The following CA10 variants were observed in gnomAD, a reference collection of about 807,000 sequenced individuals.
The protein encoded by CA10 is carbonic anhydrase 10 (inactive).
Under a neutral mutation model 44.2 loss-of-function variants are expected in CA10, and 14 were observed. That is an observed-to-expected ratio of 0.32 (90% CI 0.21 to 0.50). The LOEUF (loss-of-function observed/expected upper bound fraction) is 0.50, where lower values mean the gene tolerates loss of function less well. CA10 is among the 20% of genes least tolerant of loss of function. CA10 has a pLI of 0.99. For missense variants in CA10, 350 were observed against 409.7 expected (o/e 0.85, Z 1.26); for synonymous variants, 159 against 141.6 (o/e 1.12, Z -0.87).
chr17:51,795,687 T>C (rs762040013), intron 3 of CA10, among the ~76,000 whole-genome samples: 3 of 152,172 alleles, frequency 2.0e-5, no homozygotes, highest in Non-Finnish European at 4.4e-5. Context: ...GTGCCTTTAC[T>C]AAAAATAATT....
At chr17:52,108,547 A>C (rs1252032019) in intron 1 of CA10, among the ~76,000 whole-genome samples, 2 of 151,746 alleles carry the variant, frequency 1.3e-5, no homozygotes, top group Non-Finnish European at 2.9e-5. Context: ...AAATACAAAA[A>C]AAATTAGCTG....
At chr17:51,689,005 G>A (rs746141589) in intron 4 of CA10, among the ~76,000 whole-genome samples, 27 of 152,110 alleles carry the variant, frequency 1.8e-4, no homozygotes, top group Non-Finnish European at 3.5e-4. Context: ...TATATAAGGG[G>A]TAACGGAGGC....
At chr17:51,861,213 G>A (rs1233792797) in intron 3 of CA10, among the ~76,000 whole-genome samples, 1 of 152,144 alleles carries the variant, frequency 6.6e-6, no homozygotes, top group Non-Finnish European at 1.5e-5. Flanking sequence ...TGTCAGCTTA[G>A]TGTTTGCTTC....
At chr17:52,033,773 C>T (rs1331324154) in intron 2 of CA10, among the ~76,000 whole-genome samples, 1 of 152,256 alleles carries the variant, frequency 6.6e-6, no homozygotes, top group East Asian at 1.9e-4. Context: ...CATAATGCTG[C>T]AATGAACATG....
chr17:51,701,327 G>A (rs1198772363), intron 4 of CA10, among the ~76,000 whole-genome samples: 1 of 151,938 alleles, frequency 6.6e-6, no homozygotes, highest in East Asian at 1.9e-4. Flanking sequence ...GTTGGATCAG[G>A]GCCCACCTTA....
At chr17:51,997,159 C>T (rs1985265726) in intron 2 of CA10, among the ~76,000 whole-genome samples, 1 of 152,064 alleles carries the variant, frequency 6.6e-6, no homozygotes, top group Non-Finnish European at 1.5e-5. Context: ...TTGATCCCCG[C>T]TATCATCTTT....
intron 2 of CA10, among the ~76,000 whole-genome samples, chr17:52,061,126 T>C (rs1987372996): frequency 6.6e-6 from 1 of 152,284 alleles, no homozygotes; most frequent in Non-Finnish European, 1.5e-5. Flanking sequence ...TGTTACCTTA[T>C]ATGGCAAAAT....
chr17:51,867,086 A>C (rs977924444), intron 3 of CA10, among the ~76,000 whole-genome samples: 6 of 152,174 alleles, frequency 3.9e-5, no homozygotes, highest in Non-Finnish European at 8.8e-5. Flanking sequence ...CTATTAAAAA[A>C]AAAAGAGCCT....
At chr17:52,107,394 C>T (rs747319785) in intron 1 of CA10, among the ~76,000 whole-genome samples, 1 of 152,118 alleles carries the variant, frequency 6.6e-6, no homozygotes, top group South Asian at 2.1e-4. Context: ...AAAGATAATT[C>T]CTCTTAAAAC....
intron 4 of CA10, among the ~76,000 whole-genome samples, chr17:51,708,711 C>T (rs1188570774): frequency 1.3e-5 from 2 of 152,188 alleles, no homozygotes; most frequent in Non-Finnish European, 2.9e-5. Flanking sequence ...AATCAGCTGC[C>T]AGTGCAGGTA....
At chr17:51,759,358 CTGTG>C (rs5820879) in intron 3 of CA10, among the ~76,000 whole-genome samples, 548 of 141,708 alleles carry the variant, frequency 3.9e-3, no homozygotes, top group East Asian at 7.3e-3. Context: ...CTTCTTTGCT[CTGTG>C]TGTGTGTGTG....
At chr17:51,836,587 C>T (rs915845721) in intron 3 of CA10, among the ~76,000 whole-genome samples, 2 of 152,178 alleles carry the variant, frequency 1.3e-5, no homozygotes, top group African/African-American at 4.8e-5. Context: ...CCTTCCCCAC[C>T]AGGTAGTAAA....
intron 3 of CA10, among the ~76,000 whole-genome samples, chr17:51,888,586 T>C (rs1980716919): frequency 6.6e-6 from 1 of 152,362 alleles, no homozygotes; most frequent in East Asian, 1.9e-4. Flanking sequence ...GATCCTTCTA[T>C]CCCTTGTGTC....
At chr17:52,086,756 G>A (rs914642657) in intron 1 of CA10, among the ~76,000 whole-genome samples, 9 of 152,144 alleles carry the variant, frequency 5.9e-5, no homozygotes, top group African/African-American at 2.2e-4. Context: ...AATTTGTCTA[G>A]AATATTCTAT....
chr17:51,744,534 C>T (rs529512282), intron 4 of CA10, among the ~76,000 whole-genome samples: 71 of 151,982 alleles, frequency 4.7e-4, no homozygotes, highest in African/African-American at 1.6e-3. Context: ...TGATTGAGCC[C>T]AGGAGTTAGA....
chr17:52,144,940 CTTAG>C (rs1375622231), intron 1 of CA10, among the ~76,000 whole-genome samples: 1 of 152,102 alleles, frequency 6.6e-6, no homozygotes, highest in Non-Finnish European at 1.5e-5. Flanking sequence ...GATACTGACA[CTTAG>C]TTAGAGATAT....
chr17:51,850,732 C>T (rs1978757766), intron 3 of CA10, among the ~76,000 whole-genome samples: 1 of 152,178 alleles, frequency 6.6e-6, no homozygotes, highest in Non-Finnish European at 1.5e-5. Context: ...GCTCTTAGAA[C>T]AGCGCCCAAC....
intron 1 of CA10, among the ~76,000 whole-genome samples, chr17:52,127,988 G>A (rs1194559539): frequency 6.6e-6 from 1 of 152,210 alleles, no homozygotes; most frequent in East Asian, 1.9e-4. Context: ...AACTCTGTAA[G>A]ATAGGTATTG....
At chr17:51,791,633 G>C (rs1490374294) in intron 3 of CA10, among the ~76,000 whole-genome samples, 1 of 152,152 alleles carries the variant, frequency 6.6e-6, no homozygotes, top group East Asian at 1.9e-4. Context: ...TGGTCCATAA[G>C]GAGATGAATC....
Sources: allele counts gnomAD v4.1 joint callset (sites outside exome capture counted in the v4.1 genomes callset), GRCh38; gene constraint gnomAD v4.1.1; transcripts MANE v1.5; gene names NCBI Gene and HGNC (gene_info 2026-07-23, HGNC 2026-07-21).